The following CACNA1B variants were observed in gnomAD, a reference collection of about 807,000 sequenced individuals.
The protein encoded by CACNA1B is calcium voltage-gated channel subunit alpha1 B.
In CACNA1B, 70 loss-of-function variants were observed where a neutral mutation model predicts 247.2. The observed-to-expected ratio is 0.28, with a 90% CI of 0.23 to 0.35. The LOEUF (loss-of-function observed/expected upper bound fraction) is 0.35, where lower values mean the gene tolerates loss of function less well. CACNA1B is among the 10% of genes least tolerant of loss of function. The pLI is 1.00. For missense variants in CACNA1B, 2,367 were observed against 3,197.4 expected, an observed-to-expected ratio of 0.74 and a Z score of 6.26; for synonymous variants, 1,231 against 1,294.4, an observed-to-expected ratio of 0.95 and a Z score of 1.05.
At chr9:137,989,134 C>T (rs1958402094) in intron 15 of CACNA1B, among the ~76,000 whole-genome samples, 1 of 152,192 alleles carries the variant, frequency 6.6e-6, no homozygotes, top group Non-Finnish European at 1.5e-5. Flanking sequence ...ACACAGGTGA[C>T]TTTAAACCGA....
At chr9:137,897,731 T>C (rs936002052) in intron 3 of CACNA1B, among the ~76,000 whole-genome samples, 3 of 151,892 alleles carry the variant, frequency 2.0e-5, no homozygotes, top group Non-Finnish European at 4.4e-5. Flanking sequence ...ATTATTATTA[T>C]ATTTTTGCAG....
chr9:137,997,231 C>T (rs555803302), intron 15 of CACNA1B, among the ~76,000 whole-genome samples: 3 of 152,106 alleles, frequency 2.0e-5, no homozygotes, highest in East Asian at 1.9e-4. Context: ...TTCAAATGTC[C>T]GTGATAATTT....
At chr9:137,931,403 C>T (rs1957606236) in intron 6 of CACNA1B, among the ~76,000 whole-genome samples, 1 of 152,074 alleles carries the variant, frequency 6.6e-6, no homozygotes, top group African/African-American at 2.4e-5. Context: ...CATTTTTCGT[C>T]TGCGATACAG....
At chr9:138,021,028 G>A (rs1347588133) in intron 18 of CACNA1B, among the ~76,000 whole-genome samples, 1 of 152,214 alleles carries the variant, frequency 6.6e-6, no homozygotes, top group Non-Finnish European at 1.5e-5. Flanking sequence ...GCACTGGAGT[G>A]GACTGGGAGG....
intron 35 of CACNA1B, among the ~76,000 whole-genome samples, chr9:138,077,395 G>C (rs1960364861): frequency 6.6e-6 from 1 of 152,326 alleles, no homozygotes; most frequent in South Asian, 2.1e-4. Context: ...AGGGTGCTTG[G>C]AGTGGACTGA....
intron 18 of CACNA1B, among the ~76,000 whole-genome samples, chr9:138,016,174 TCACA>T (rs946451062): frequency 5.9e-5 from 9 of 152,032 alleles, no homozygotes; most frequent in Non-Finnish European, 1.3e-4. Context: ...ACACACAGTC[TCACA>T]CACACAGTGT....
chr9:138,005,769 T>C (rs1340235758), intron 15 of CACNA1B, among the ~76,000 whole-genome samples: 1 of 151,416 alleles, frequency 6.6e-6, no homozygotes, highest in East Asian at 1.9e-4. Context: ...AACGGCAGGG[T>C]GTGGCGGCTC....
At chr9:137,947,158 G>A (rs1002612943) in intron 6 of CACNA1B, among the ~76,000 whole-genome samples, 2 of 152,128 alleles carry the variant, frequency 1.3e-5, no homozygotes, top group Admixed American at 6.6e-5. Flanking sequence ...TTGGTTGCAG[G>A]AGGCAACCAA....
intron 39 of CACNA1B, among the ~76,000 whole-genome samples, chr9:138,109,960 A>C (rs1396857419): frequency 6.6e-6 from 1 of 152,140 alleles, no homozygotes; most frequent in East Asian, 1.9e-4. Flanking sequence ...AGGCTGAGGC[A>C]GGAAAATTGC....
chr9:138,112,681 G>A (rs1456777115), intron 40 of CACNA1B, among the ~76,000 whole-genome samples, 176 bp downstream of exon 40: 2 of 152,220 alleles, frequency 1.3e-5, no homozygotes, highest in African/African-American at 4.8e-5. Context: ...GGTGGCAGAG[G>A]AGCTGCAGAG....
intron 20 of CACNA1B, among the ~76,000 whole-genome samples, chr9:138,033,132 C>G (rs1959004913): frequency 6.6e-6 from 1 of 152,162 alleles, no homozygotes; most frequent in African/African-American, 2.4e-5. Flanking sequence ...TTCCAGTTCA[C>G]TGACTCTTTC....
chr9:138,119,588 C>G (rs1199454861), intron 44 of CACNA1B, among the ~76,000 whole-genome samples: 1 of 152,194 alleles, frequency 6.6e-6, no homozygotes, highest in Middle Eastern at 3.2e-3. Flanking sequence ...TCCTCACTGC[C>G]TCTCCTCCCT....
rs1046452557 is a variant in CACNA1B, at chr9:138,119,085, C to T, written c.6030+317C>T. Among the ~76,000 whole-genome samples the T allele has an allele frequency of 2.6e-5, 4 of 152,114 alleles. No individual in the cohort carries two copies. The East Asian group carries it at 5.8e-4, about 22-fold the overall frequency. On this transcript the variant is annotated intron_variant, in intron 44 of 46. Coordinates refer to ENST00000371372, the MANE Select transcript of CACNA1B (RefSeq NM_000718.4). ...AGGGGCCCCCACTCTGGCTCAGCCA[C>T]GTTCTGTTCCTCCTTTCCGGGGCTC... is the stretch of plus-strand genomic sequence containing the variant.
Position 137,963,677 on chromosome 9 carries a change from G to A in CACNA1B, c.1333+5990G>A, listed in dbSNP as rs138636246. Among the ~76,000 whole-genome samples the A allele has an allele frequency of 2.5e-3, 377 of 152,266 alleles. 1 individual carries two copies. Among genetic ancestry groups the A allele is most frequent in the African/African-American group, 8.9e-3 (368 of 41,550 alleles). On this transcript the variant is annotated intron_variant, in intron 10 of 46. Transcript: ENST00000371372. The stretch of plus-strand genomic sequence containing the variant: ...CTCCCAAGGTGCTGGGATTATAGTC[G>A]TGAGCCACCATGGCCCGCCTAAAGT...
At chr9:138,105,836 C>T in intron 39 of CACNA1B, 29 bp downstream of exon 39, 1 of 1,278,716 alleles carries the variant, frequency 7.8e-7, no homozygotes, top group Non-Finnish European at 1.1e-6. Context: ...GAAGGAGGGC[C>T]CTGGACCCAG....
At chr9:138,096,692 A>G (rs911427838) in intron 37 of CACNA1B, 81 bp downstream of exon 37, 1 of 1,432,974 alleles carries the variant, frequency 7.0e-7, no homozygotes, top group Non-Finnish European at 9.5e-7. Context: ...GGCTTCAGAC[A>G]TGTTTCAAGT....
intron 15 of CACNA1B, among the ~76,000 whole-genome samples, chr9:137,995,207 C>T (rs533943395): frequency 4.6e-4 from 47 of 101,812 alleles, no homozygotes; most frequent in Admixed American, 8.2e-4. Context: ...AGTGAGACTC[C>T]GTCTCAAAAA....
At chr9:137,923,436 C>T (rs572233040) in intron 6 of CACNA1B, among the ~76,000 whole-genome samples, 7 of 145,318 alleles carry the variant, frequency 4.8e-5, no homozygotes, top group Non-Finnish European at 7.5e-5. Context: ...GGTGGTATTC[C>T]GTGGCTCCAG....
intron 36 of CACNA1B, among the ~76,000 whole-genome samples, chr9:138,086,822 A>G (rs563154174): frequency 9.2e-5 from 14 of 151,436 alleles, no homozygotes; most frequent in South Asian, 8.3e-4. Flanking sequence ...TGGACCTAAC[A>G]GACATTTCCA....
Sources: gnomAD v4.1 joint callset for allele counts (sites outside exome capture counted in the v4.1 genomes callset) on GRCh38, gnomAD v4.1.1 for gene constraint, MANE v1.5 for transcripts, NCBI Gene and HGNC (gene_info 2026-07-23, HGNC 2026-07-21) for gene names.